The following IQGAP2 variants were observed in gnomAD, a reference collection of about 807,000 sequenced individuals.
IQGAP2 encodes the protein IQ motif containing GTPase activating protein 2.
Under a neutral mutation model 201.3 loss-of-function variants are expected in IQGAP2, and 173 were observed. The ratio of observed to expected loss-of-function variants is 0.86; its 90% CI spans 0.76 to 0.98. The LOEUF (loss-of-function observed/expected upper bound fraction) is 0.98, where lower values mean the gene tolerates loss of function less well. Among genes scored for constraint, IQGAP2 ranks in the 50% least tolerant of loss-of-function variants. The probability of loss-of-function intolerance (pLI) is 0.00; values close to 1 mark genes in which losing one functional copy is unlikely to be tolerated. For missense variants in IQGAP2, 1,687 were observed against 1,864.8 expected (o/e 0.90, Z 1.76); for synonymous variants, 675 against 673.9 (o/e 1.00, Z -0.03).
At chr5:76,648,904 G>T (rs1233221837) in intron 17 of IQGAP2, among the ~76,000 whole-genome samples, 1 of 152,152 alleles carries the variant, frequency 6.6e-6, no homozygotes. Flanking sequence ...AGAGCCTCAG[G>T]GATCAGTGGG....
intron 9 of IQGAP2, among the ~76,000 whole-genome samples, chr5:76,593,585 T>C (rs1746811595): frequency 6.6e-6 from 1 of 152,198 alleles, no homozygotes; most frequent in African/African-American, 2.4e-5. Flanking sequence ...TTTTTATTAG[T>C]CTTTTCTCCC....
At chr5:76,563,816 A>ATAGT (rs1744550754) in intron 3 of IQGAP2, among the ~76,000 whole-genome samples, 1 of 152,280 alleles carries the variant, frequency 6.6e-6, no homozygotes, top group South Asian at 2.1e-4. Context: ...TATGTTGCAT[A>ATAGT]TAGTTGGAAA....
At chr5:76,424,788 G>A (rs1169816821) in intron 1 of IQGAP2, among the ~76,000 whole-genome samples, 9 of 152,174 alleles carry the variant, frequency 5.9e-5, no homozygotes, top group Admixed American at 5.9e-4. Flanking sequence ...CTTAGCTCTG[G>A]TTTCCTCTCC....
At position 76,408,152 on chromosome 5, in the gene IQGAP2, C is replaced by T. The variant is rs1248612100; in HGVS notation, c.46+4561C>T. Among the ~76,000 whole-genome samples the T allele has an allele frequency of 3.4e-5, 5 of 148,238 alleles. No homozygotes were observed. In the South Asian group the frequency reaches 6.4e-4, roughly 19 times the overall value. On this transcript the variant is annotated intron_variant, in intron 1 of 35. Coordinates refer to ENST00000274364, the MANE Select transcript of IQGAP2 (RefSeq NM_006633.5). Reference sequence around the variant, plus strand: ...TTCCAGCCTGGGCGAAAGAGCGAGACTCTGTCTCAAAAAAAACAAAACCTA... The same window carrying T: ...TTCCAGCCTGGGCGAAAGAGCGAGATTCTGTCTCAAAAAAAACAAAACCTA...
intron 30 of IQGAP2, among the ~76,000 whole-genome samples, chr5:76,687,014 A>ATCATT (rs1745840997): frequency 6.6e-6 from 1 of 152,226 alleles, no homozygotes; most frequent in South Asian, 2.1e-4. Flanking sequence ...TGATCACTGT[A>ATCATT]GCTTTGTAAT....
intron 1 of IQGAP2, among the ~76,000 whole-genome samples, chr5:76,459,614 A>C (rs902488359): frequency 1.3e-5 from 2 of 152,162 alleles, no homozygotes; most frequent in East Asian, 3.9e-4. Context: ...TGTGGCAGGT[A>C]TCATTTAAGA....
At chr5:76,649,665 C>T (rs929482245) in intron 17 of IQGAP2, among the ~76,000 whole-genome samples, 22 of 152,144 alleles carry the variant, frequency 1.4e-4, no homozygotes, top group African/African-American at 4.6e-4. Context: ...TACAAGCTGT[C>T]GATGGATCTA....
chr5:76,685,702 C>A (rs533560337), intron 30 of IQGAP2, among the ~76,000 whole-genome samples: 15 of 121,636 alleles, frequency 1.2e-4, no homozygotes, highest in Non-Finnish European at 2.0e-4. Context: ...CCCGTCCCCC[C>A]CAGTGTGTTG....
At chr5:76,700,743 T>G (rs1217745363) in intron 33 of IQGAP2, among the ~76,000 whole-genome samples, 1 of 152,236 alleles carries the variant, frequency 6.6e-6, no homozygotes, top group Non-Finnish European at 1.5e-5. Context: ...GAATACACAG[T>G]TCATGTTATT....
At position 76,543,934 on chromosome 5, in the gene IQGAP2, A is replaced by T. The variant is rs1742938710; in HGVS notation, c.147-18462A>T. 3.9e-5 allele frequency among the ~76,000 whole-genome samples: 6 copies of T among 152,356 alleles called. 1 individual carries two copies. The South Asian group carries it at 1.0e-3, about 26-fold the overall frequency. Reference sequence around the variant, plus strand: ...TCTATGTCAATACAGAACAATAATGAAATTGTTAGGCAGGTGAAATGGTAC... The same window carrying T: ...TCTATGTCAATACAGAACAATAATGTAATTGTTAGGCAGGTGAAATGGTAC... On this transcript the variant is annotated intron_variant, in intron 2 of 35. Transcript: ENST00000274364.
intron 2 of IQGAP2, among the ~76,000 whole-genome samples, chr5:76,509,596 A>G (rs1044225439): frequency 7.9e-5 from 12 of 151,982 alleles, no homozygotes; most frequent in Admixed American, 2.0e-4. Flanking sequence ...GGGTTTCACC[A>G]TGTTAGCCAG....
At chr5:76,502,762 G>A (rs143276724) in intron 2 of IQGAP2, among the ~76,000 whole-genome samples, 1 of 152,126 alleles carries the variant, frequency 6.6e-6, no homozygotes, top group Non-Finnish European at 1.5e-5. Flanking sequence ...TTAATACAGG[G>A]TCTTACTCTG....
intron 20 of IQGAP2, among the ~76,000 whole-genome samples, chr5:76,657,955 G>T (rs1742899468): frequency 6.6e-6 from 1 of 152,096 alleles, no homozygotes; most frequent in Non-Finnish European, 1.5e-5. Context: ...GGCTTTTACA[G>T]TCCTCCCTTC....
At chr5:76,687,100 C>T (rs560070036) in intron 30 of IQGAP2, among the ~76,000 whole-genome samples, 1 of 152,262 alleles carries the variant, frequency 6.6e-6, no homozygotes, top group Admixed American at 6.5e-5. Flanking sequence ...TTGAATAGGT[C>T]TCTTGCAGTT....
At chr5:76,526,778 G>C (rs141037106) in intron 2 of IQGAP2, among the ~76,000 whole-genome samples, 2 of 152,308 alleles carry the variant, frequency 1.3e-5, no homozygotes, top group East Asian at 3.9e-4. Context: ...AAAAGGTCTG[G>C]CTACTCTATT....
chr5:76,430,256 G>GT (rs1554055104), intron 1 of IQGAP2, among the ~76,000 whole-genome samples: 1 of 152,056 alleles, frequency 6.6e-6, no homozygotes, highest in African/African-American at 2.4e-5. Context: ...AGTGGGAATG[G>GT]CTGTCTCTGC....
At chr5:76,663,824 C>G (rs949671864) in intron 21 of IQGAP2, among the ~76,000 whole-genome samples, 1 of 152,232 alleles carries the variant, frequency 6.6e-6, no homozygotes, top group Non-Finnish European at 1.5e-5. Flanking sequence ...TGAGCCACCA[C>G]ACTTGGCCCG....
At position 76,461,576 on chromosome 5, in the gene IQGAP2, T is replaced by C. The variant is rs1462750601; in HGVS notation, c.53T>C (p.Val18Ala). 11 of 1,611,732 alleles carry C rather than the reference T, an allele frequency of 6.8e-6. No homozygotes were observed. ...TGTTATCCTCTATTTCTAGCTATTG[T>C]GGACGATGAAAGGCTCTCTGCAGAG... is the stretch of plus-strand genomic sequence containing the variant. ...SLQRPRYGSIVDDERLSAEEM... is the reference protein window; with the variant it reads ...SLQRPRYGSIADDERLSAEEM... Residue 18 changes from valine (V) to alanine (A), a missense_variant, in exon 2 of 36, where the codon GTG becomes GCG. Val to Ala is a moderately conservative substitution (Grantham distance 64). Transcript: ENST00000274364.
chr5:76,488,814 A>G (rs1679217612), intron 2 of IQGAP2, among the ~76,000 whole-genome samples: 1 of 152,194 alleles, frequency 6.6e-6, no homozygotes, highest in African/African-American at 2.4e-5. Flanking sequence ...CAGAGGCAAA[A>G]GTTTCTGCTT....
Sources: gnomAD v4.1 joint callset for allele counts (sites outside exome capture counted in the v4.1 genomes callset) on GRCh38, gnomAD v4.1.1 for gene constraint, MANE v1.5 for transcripts, NCBI Gene and HGNC (gene_info 2026-07-23, HGNC 2026-07-21) for gene names.